Variants in PTGER4 observed in about 807,000 individuals in gnomAD.
PTGER4 encodes the protein prostaglandin E2 receptor EP4 subtype.
A neutral mutation model predicts 33.2 loss-of-function variants in PTGER4; 11 were observed. The ratio of observed to expected loss-of-function variants is 0.33; its 90% confidence interval spans 0.21 to 0.55. PTGER4 has a LOEUF of 0.55. PTGER4 is among the 20% of genes least tolerant of loss of function. PTGER4 has a pLI of 0.92. For missense variants in PTGER4, 481 were observed against 650.2 expected (o/e 0.74, Z 2.83); for synonymous variants, 275 against 281.5 (o/e 0.98, Z 0.23).
the PTGER4 span, among the ~76,000 whole-genome samples, chr5:40,725,848 C>G: frequency 6.8e-6 from 1 of 147,276 alleles, no homozygotes; most frequent in African/African-American, 2.5e-5. Context: ...TGCAGTGGCG[C>G]GATCTCAGCT....
Position 40,681,965 on chromosome 5 carries a change from G to GACAC in PTGER4, c.867+105_867+106insACAC. The GACAC allele has an allele frequency of 7.4e-7, 1 of 1,353,454 alleles. No homozygotes were observed. Among genetic ancestry groups the GACAC allele is most frequent in the Non-Finnish European group, 9.8e-7 (1 of 1,024,286 alleles). The allele number at this position is 1,353,454 out of a possible 1,614,324, so 83.8% of individuals were successfully genotyped here. On this transcript the variant is annotated intron_variant, in intron 2 of 2. Coordinates refer to ENST00000302472, the MANE Select transcript of PTGER4 (RefSeq NM_000958.3). The surrounding 1 kb of genome is among the most constrained non-coding windows in gnomAD (Gnocchi z 9.8). ...CCTCTGAGTCCTTGGCAGTGAACGT[G>GACAC]TCGCCTTTAGGTCGGGGCTGGGATT... is the stretch of plus-strand genomic sequence containing the variant.
the PTGER4 span, chr5:40,728,403 GA>G: frequency 6.2e-7 from 1 of 1,613,428 alleles, no homozygotes; most frequent in Non-Finnish European, 8.5e-7. Flanking sequence ...AGACTCCCAT[GA>G]ATGTGGATTT....
chr5:40,692,415 C>T lies in PTGER4; in HGVS notation c.*37C>T. ...AGAAATACAGTACTGTTTCTGGACCCTTATAAAATCCTGTGCAATAGACAC... is the reference window on the plus strand; with the variant it reads ...AGAAATACAGTACTGTTTCTGGACCTTTATAAAATCCTGTGCAATAGACAC... On this transcript the variant is annotated 3_prime_UTR_variant, in exon 3 of 3. Transcript: ENST00000302472. 6.5e-7 allele frequency: 1 copy of T among 1,530,738 alleles called. No individual in the cohort carries two copies. The highest frequency in any genetic ancestry group is 1.3e-5 in the South Asian group (1 of 77,502). The allele number at this position is 1,530,738 out of a possible 1,614,324, so 94.8% of individuals were successfully genotyped here. A position where few individuals can be genotyped will look rare whatever the true frequency, so the allele number is the denominator to read the frequency against.
chr5:40,736,187 C>A, the PTGER4 span, among the ~76,000 whole-genome samples: 2 of 152,194 alleles, frequency 1.3e-5, no homozygotes, highest in East Asian at 3.9e-4. Context: ...GGCACAAATA[C>A]AGTAAGGTTG....
chr5:40,701,788 G>A, the PTGER4 span, among the ~76,000 whole-genome samples: 2 of 152,132 alleles, frequency 1.3e-5, no homozygotes, highest in Admixed American at 1.3e-4. Flanking sequence ...GAGAGACAGT[G>A]CAGGTCACCT....
At chr5:40,719,664 A>G in the PTGER4 span, among the ~76,000 whole-genome samples, 1 of 152,126 alleles carries the variant, frequency 6.6e-6, no homozygotes, top group Non-Finnish European at 1.5e-5. Context: ...CATTCCCACC[A>G]GCAATGGACG....
At chr5:40,744,971 T>C in the PTGER4 span, among the ~76,000 whole-genome samples, 82 of 152,076 alleles carry the variant, frequency 5.4e-4, no homozygotes, top group Admixed American at 1.2e-3. Flanking sequence ...GCCAAAAATA[T>C]TTAGACTCAA....
In PTGER4 at chr5:40,680,141, G is replaced by A. The variant is rs1741147512; in HGVS notation, c.-381G>A. 6.6e-6 allele frequency: 1 copy of A among 152,462 alleles called. No homozygotes were observed. The highest frequency in any genetic ancestry group is 1.5e-5 in the Non-Finnish European group (1 of 68,126). The allele number at this position is 152,462 out of a possible 1,614,324, so 9.4% of individuals were successfully genotyped here. On this transcript the variant is annotated 5_prime_UTR_variant, in exon 1 of 3. Coordinates refer to ENST00000302472, the MANE Select transcript of PTGER4 (RefSeq NM_000958.3). The surrounding 1 kb of genome is among the most constrained non-coding windows in gnomAD (Gnocchi z 5.5). ...AGGCTCCGCGCCACCTGCGCGCACAGCCTCACACCTGAACGCTGTCCTCCC... is the reference window on the plus strand; with the variant it reads ...AGGCTCCGCGCCACCTGCGCGCACAACCTCACACCTGAACGCTGTCCTCCC...
chr5:40,729,985 C>G, the PTGER4 span, among the ~76,000 whole-genome samples: 1 of 152,224 alleles, frequency 6.6e-6, no homozygotes, highest in Non-Finnish European at 1.5e-5. Context: ...AGACGTGAGC[C>G]ATGGCACCTG....
the PTGER4 span, among the ~76,000 whole-genome samples, chr5:40,717,661 A>G: frequency 1.3e-5 from 2 of 152,228 alleles, no homozygotes; most frequent in Non-Finnish European, 2.9e-5. Flanking sequence ...TGGGGGTAAA[A>G]CTGCCCTCCA....
the PTGER4 span, among the ~76,000 whole-genome samples, chr5:40,736,556 G>GT: frequency 6.6e-6 from 1 of 152,066 alleles, no homozygotes; most frequent in Non-Finnish European, 1.5e-5. Flanking sequence ...GTATAACCTA[G>GT]TTTGTAATAA....
At chr5:40,738,490 AATACAATAC>A in the PTGER4 span, among the ~76,000 whole-genome samples, 2 of 137,344 alleles carry the variant, frequency 1.5e-5, no homozygotes, top group African/African-American at 2.8e-5. Context: ...AATACAATAC[AATACAATAC>A]AATACAATAA....
the PTGER4 span, among the ~76,000 whole-genome samples, chr5:40,711,544 A>C: frequency 6.6e-6 from 1 of 152,156 alleles, no homozygotes; most frequent in South Asian, 2.1e-4. Context: ...TATTTACATA[A>C]GAGAAATGAA....
rs997029541 is a variant in PTGER4 at position 40,693,018 on chromosome 5, A to G, written c.*640A>G. 5.5e-6 allele frequency: 5 copies of G among 901,760 alleles called. No homozygotes were observed. In the African/African-American group the frequency reaches 9.0e-5, roughly 16 times the overall value. The allele number at this position is 901,760 out of a possible 1,614,324, so 55.9% of individuals were successfully genotyped here. On this transcript the variant is annotated 3_prime_UTR_variant, in exon 3 of 3. Transcript: ENST00000302472. The stretch of plus-strand genomic sequence containing the variant: ...AGTAAGATTGATATCTATAAAATAG[A>G]TATAAATTTTTAAGAGAAAGAATTT...
In PTGER4 at chr5:40,683,901, C is replaced by T. The variant is rs913301723; in HGVS notation, c.867+2041C>T. ...CTGTCCACCTGTATAATGTTAGTAA[C>T]GTGTAGTAAATTTTAAGTAATCTTG... On this transcript the variant is annotated intron_variant, in intron 2 of 2. Coordinates refer to ENST00000302472, the MANE Select transcript of PTGER4 (RefSeq NM_000958.3). The surrounding 1 kb of genome is among the most constrained non-coding windows in gnomAD (Gnocchi z 4.2). 6.6e-6 allele frequency among the ~76,000 whole-genome samples: 1 copy of T among 152,110 alleles called. No individual in the cohort carries two copies. The highest frequency in any genetic ancestry group is 1.5e-5 in the Non-Finnish European group (1 of 68,022).
chr5:40,707,583 G>A, the PTGER4 span, among the ~76,000 whole-genome samples: 1 of 152,076 alleles, frequency 6.6e-6, no homozygotes, highest in African/African-American at 2.4e-5. Context: ...AAAATAATGG[G>A]AGACTTTAAC....
At chr5:40,705,605 T>C in the PTGER4 span, among the ~76,000 whole-genome samples, 69 of 152,180 alleles carry the variant, frequency 4.5e-4, no homozygotes, top group Non-Finnish European at 9.0e-4. Flanking sequence ...CCAGCATCTA[T>C]AAGGAACTTA....
the PTGER4 span, among the ~76,000 whole-genome samples, chr5:40,727,522 A>G: frequency 2.6e-5 from 4 of 152,276 alleles, no homozygotes; most frequent in East Asian, 7.7e-4. Context: ...ACATTACACA[A>G]TGAGTATTTC....
chr5:40,708,745 A>G, the PTGER4 span, among the ~76,000 whole-genome samples: 2 of 152,196 alleles, frequency 1.3e-5, no homozygotes, highest in African/African-American at 4.8e-5. Flanking sequence ...AGAATTTTAG[A>G]CCAATATCCC....
Sources: allele counts gnomAD v4.1 joint callset (sites outside exome capture counted in the v4.1 genomes callset), GRCh38; gene constraint gnomAD v4.1.1; non-coding constraint Gnocchi (gnomAD v3.1); transcripts MANE v1.5; gene names NCBI Gene and HGNC (gene_info 2026-07-23, HGNC 2026-07-21).